USP34: variants seen among roughly 807,000 people sequenced by gnomAD.
USP34 encodes ubiquitin carboxyl-terminal hydrolase 34.
Under a neutral mutation model 460.3 loss-of-function variants are expected in USP34, and 70 were observed. The observed-to-expected ratio is 0.15, with a 90% CI of 0.13 to 0.19. The LOEUF is 0.19. Ranked by LOEUF, USP34 falls within the 10% of genes least tolerant of loss-of-function variation. The pLI is 1.00. For synonymous variants in USP34, 1,647 were observed against 1,405.3 expected, an observed-to-expected ratio of 1.17 and a Z score of -3.85; for missense variants, 3,985 against 4,236.2, an observed-to-expected ratio of 0.94 and a Z score of 1.65.
At chr2:61,397,041 T>C (rs1027383720) in intron 3 of USP34, among the ~76,000 whole-genome samples, 11 of 152,232 alleles carry the variant, frequency 7.2e-5, no homozygotes, top group Admixed American at 1.3e-4. Flanking sequence ...CTGATGTTCA[T>C]AATTTTTACG....
At chr2:61,326,264 G>C (rs1691086213) in intron 20 of USP34, among the ~76,000 whole-genome samples, 1 of 152,192 alleles carries the variant, frequency 6.6e-6, no homozygotes, top group African/African-American at 2.4e-5. Context: ...CTGGAGTGCA[G>C]TGACAGAATC....
intron 1 of USP34, among the ~76,000 whole-genome samples, chr2:61,456,241 C>T (rs2104083983): frequency 6.6e-6 from 1 of 152,282 alleles, no homozygotes; most frequent in East Asian, 1.9e-4. Flanking sequence ...TAACAACGTG[C>T]CAGATTTCTT....
chr2:61,448,608 A>G (rs1695184480), intron 1 of USP34, among the ~76,000 whole-genome samples: 1 of 152,244 alleles, frequency 6.6e-6, no homozygotes, highest in Non-Finnish European at 1.5e-5. Flanking sequence ...AGTAAAAGTC[A>G]TCCCAAATGG....
In USP34 at chr2:61,383,317, A is replaced by C. The variant is rs1693031589; in HGVS notation, c.773T>G (p.Ile258Ser). Residue 258 changes from isoleucine to serine, a missense_variant, in exon 6 of 80, where the codon ATT becomes AGT. Coordinates refer to ENST00000398571, the MANE Select transcript of USP34 (RefSeq NM_014709.4). ...VVSNIRIWLH[I>S]PAVMQHIIPF... ...TATAATGTGCTGCATGACAGCGGGA[A>C]TATGTAGCCATATTCTAATCTATAT... The C allele has an allele frequency of 6.2e-7, 1 of 1,603,812 alleles. No individual in the cohort carries two copies. Among genetic ancestry groups the C allele is most frequent in the Non-Finnish European group, 8.5e-7 (1 of 1,173,718 alleles).
Position 61,350,158 on chromosome 2 carries a change from T to G in USP34, c.1507+102A>C, listed in dbSNP as rs545416599. Reference sequence around the variant, plus strand: ...TGCACTCTTCTACCCATCCCACACTTATTTTAAAATAAAGATTGAACTGAA... The same window carrying G: ...TGCACTCTTCTACCCATCCCACACTGATTTTAAAATAAAGATTGAACTGAA... On this transcript the variant is annotated intron_variant, in intron 12 of 79. Coordinates refer to ENST00000398571, the MANE Select transcript of USP34 (RefSeq NM_014709.4). The G allele has an allele frequency of 1.2e-5, 16 of 1,290,206 alleles. No individual in the cohort carries two copies. The African/African-American group carries it at 2.2e-4, about 18-fold the overall frequency. 79.9% of individuals were successfully genotyped at this position (1,290,206 alleles called of 1,614,324 possible). A position where few individuals can be genotyped will look rare whatever the true frequency, so the allele number is the denominator to read the frequency against.
At chr2:61,456,461 T>C (rs528419051) in intron 1 of USP34, among the ~76,000 whole-genome samples, 2 of 152,224 alleles carry the variant, frequency 1.3e-5, no homozygotes, top group East Asian at 1.9e-4. Flanking sequence ...ATTCACTCTT[T>C]TTCTCCGCAT....
chr2:61,338,948 T>C (rs1443840654), intron 18 of USP34, among the ~76,000 whole-genome samples: 3 of 152,176 alleles, frequency 2.0e-5, no homozygotes, highest in East Asian at 3.8e-4. Flanking sequence ...GGAAGAACAA[T>C]ACTAATATCA....
intron 39 of USP34, among the ~76,000 whole-genome samples, chr2:61,278,893 T>C (rs534803769): frequency 6.6e-6 from 1 of 152,294 alleles, no homozygotes; most frequent in Non-Finnish European, 1.5e-5. Flanking sequence ...TACCTTTAAA[T>C]TAGACTTTTA....
At chr2:61,301,915 G>C (rs1481309209) in intron 27 of USP34, among the ~76,000 whole-genome samples, 1 of 151,538 alleles carries the variant, frequency 6.6e-6, no homozygotes, top group Non-Finnish European at 1.5e-5. Flanking sequence ...CCTCATATTT[G>C]TTATCTGGGA....
intron 67 of USP34, 149 bp downstream of exon 67, chr2:61,220,151 TAAAAAAAAAA>T (rs60784334): frequency 0.31 from 52,559 of 168,348 alleles, 4,135 homozygotes; most frequent in African/African-American, 0.4. Context: ...TTTCCTATCC[TAAAAAAAAAA>T]AAAAAAAAAA....
Position 61,311,795 on chromosome 2 carries a change from G to A in USP34, c.3658C>T (p.Leu1220Phe). ...AACTATGTAAGTACCTTGTCAGGAA[G>A]TCCAGCTGGCTGGCATACAACCCTT... is the stretch of plus-strand genomic sequence containing the variant. ...PLRVVCQPAG[L>F]PDKMTIEMYP... The change falls in exon 26 of 80, where the codon CTT becomes TTT. Residue 1220 changes from leucine (L) to phenylalanine (F), a missense_variant. Transcript: ENST00000398571. 1 of 1,613,854 alleles carries A rather than the reference G, an allele frequency of 6.2e-7. No homozygotes were observed. Among genetic ancestry groups the A allele is most frequent in the Non-Finnish European group, 8.5e-7 (1 of 1,179,906 alleles).
chr2:61,283,930 T>G (rs1572899424), intron 35 of USP34, among the ~76,000 whole-genome samples: 1 of 106,256 alleles, frequency 9.4e-6, no homozygotes, highest in Non-Finnish European at 1.9e-5. Context: ...GAGGGTGGGG[T>G]AGGGTAGGGT....
chr2:61,200,995 A>C (rs534958459), intron 75 of USP34, among the ~76,000 whole-genome samples: 1 of 152,192 alleles, frequency 6.6e-6, no homozygotes, highest in East Asian at 1.9e-4. Context: ...GTATTAACCA[A>C]GAAAAATTTT....
chr2:61,331,977 A>C (rs543578416), intron 19 of USP34, among the ~76,000 whole-genome samples: 74 of 152,232 alleles, frequency 4.9e-4, no homozygotes, highest in South Asian at 1.7e-3. Context: ...AGAAGTATTA[A>C]AATTCTCTAA....
intron 10 of USP34, among the ~76,000 whole-genome samples, chr2:61,364,495 T>C (rs538497385): frequency 4.2e-4 from 64 of 152,340 alleles, no homozygotes; most frequent in African/African-American, 1.5e-3. Context: ...GTGGTGATAG[T>C]TACACAACAT....
chr2:61,325,576 A>C, intron 20 of USP34, 119 bp from the exon 21 acceptor site: 1 of 531,512 alleles, frequency 1.9e-6, no homozygotes, highest in Non-Finnish European at 3.0e-6. Flanking sequence ...TAATTATTTT[A>C]ACTAAGTATC....
At chr2:61,269,454 ATACATTT>A (rs902654056) in intron 41 of USP34, among the ~76,000 whole-genome samples, 4 of 151,744 alleles carry the variant, frequency 2.6e-5, no homozygotes, top group Non-Finnish European at 5.9e-5. Flanking sequence ...TTGAGAGTTT[ATACATTT>A]TAAGAGAGAT....
At chr2:61,387,900 T>C (rs547727032) in intron 5 of USP34, among the ~76,000 whole-genome samples, 25 of 147,150 alleles carry the variant, frequency 1.7e-4, no homozygotes, top group South Asian at 4.2e-4. Context: ...TATATTTTTA[T>C]ATATAAGCAT....
intron 48 of USP34, among the ~76,000 whole-genome samples, chr2:61,253,297 T>C (rs562397626): frequency 2.4e-4 from 36 of 152,336 alleles, no homozygotes; most frequent in African/African-American, 8.2e-4. Flanking sequence ...ATTCAATACA[T>C]TTATTCCAAT....
Sources: allele counts gnomAD v4.1 joint callset (sites outside exome capture counted in the v4.1 genomes callset), GRCh38; gene constraint gnomAD v4.1.1; transcripts MANE v1.5; gene names NCBI Gene and HGNC (gene_info 2026-07-23, HGNC 2026-07-21).